The following C19orf47 variants were observed in gnomAD, a reference collection of about 807,000 sequenced individuals.
The protein encoded by C19orf47 is uncharacterized protein C19orf47.
In C19orf47, 18 loss-of-function variants were observed where a neutral mutation model predicts 32.3. The observed-to-expected ratio is 0.56, with a 90% CI of 0.39 to 0.83. C19orf47 has a LOEUF of 0.83. C19orf47 is among the 40% of genes least tolerant of loss of function. The pLI, the probability that C19orf47 is intolerant of heterozygous loss-of-function variation, is 0.00. For missense variants in C19orf47, 484 were observed against 531.6 expected (o/e 0.91, Z 0.88); for synonymous variants, 202 against 211.1 (o/e 0.96, Z 0.37).
the C19orf47 span, chr19:40,299,347 TA>T: frequency 7.2e-5 from 11 of 152,180 alleles, no homozygotes; most frequent in Non-Finnish European, 1.3e-4. Context: ...AACAGTTGAT[TA>T]AATAGGATCC....
downstream of C19orf47, among the ~76,000 whole-genome samples, chr19:40,315,070 CG>C (rs1268017536): frequency 6.6e-6 from 1 of 152,072 alleles, no homozygotes; most frequent in African/African-American, 2.4e-5. Context: ...TAAGGAGACA[CG>C]ACAACTCCTT....
chr19:40,329,295 C>T (rs2077900178), intron 5 of C19orf47, among the ~76,000 whole-genome samples: 1 of 152,048 alleles, frequency 6.6e-6, no homozygotes, highest in South Asian at 2.1e-4. Flanking sequence ...ATCACTTGAA[C>T]CCAGTTCAAG....
chr19:40,342,151 A>G, intron 1 of C19orf47: 1 of 663,838 alleles, frequency 1.5e-6, no homozygotes, highest in Non-Finnish European at 1.9e-6. Context: ...TGGCTGGAAA[A>G]GGAGTGCAAC....
Position 40,321,271 on chromosome 19 carries a change from T to C in C19orf47, c.*611A>G. Reference sequence around the variant, plus strand: ...AGGGCGGCTAACAGTCTCAACAGGCTCGACGCCACCGCCGACGAGGGGGCC... The same window carrying C: ...AGGGCGGCTAACAGTCTCAACAGGCCCGACGCCACCGCCGACGAGGGGGCC... On this transcript the variant is annotated 3_prime_UTR_variant, in exon 9 of 9. Transcript: ENST00000683109. 1.0e-6 allele frequency: 1 copy of C among 986,468 alleles called. No homozygotes were observed. The highest frequency in any genetic ancestry group is 1.2e-6 in the Non-Finnish European group (1 of 830,202). 61.1% of individuals were successfully genotyped at this position (986,468 alleles called of 1,614,324 possible).
intron 7 of C19orf47, among the ~76,000 whole-genome samples, chr19:40,325,784 A>G (rs2077816843): frequency 6.6e-6 from 1 of 152,226 alleles, no homozygotes; most frequent in Non-Finnish European, 1.5e-5. Context: ...ATCATCTGAA[A>G]GTGCTGGAGT....
chr19:40,301,925 C>T, the C19orf47 span, among the ~76,000 whole-genome samples: 4 of 151,582 alleles, frequency 2.6e-5, no homozygotes, highest in East Asian at 2.0e-4. Flanking sequence ...TTTGGAAGGC[C>T]GAGGCAGGTG....
intron 5 of C19orf47, among the ~76,000 whole-genome samples, chr19:40,328,908 A>G (rs191224738): frequency 1.2e-4 from 18 of 152,216 alleles, no homozygotes; most frequent in Non-Finnish European, 2.1e-4. Context: ...CCTAGCAAGT[A>G]GGCGCTTCCT....
the C19orf47 span, among the ~76,000 whole-genome samples, chr19:40,300,632 T>G: frequency 6.6e-6 from 1 of 152,194 alleles, no homozygotes; most frequent in Non-Finnish European, 1.5e-5. Context: ...TATAATGAAC[T>G]CTCATCAGAT....
In C19orf47 at chr19:40,321,308, G is replaced by A. The variant is rs764405827; in HGVS notation, c.*574C>T. 97 of 986,202 alleles carry A rather than the reference G, an allele frequency of 9.8e-5. No individual in the cohort carries two copies. The highest frequency in any genetic ancestry group is 1.2e-4 in the Admixed American group (2 of 16,268). 61.1% of individuals were successfully genotyped at this position (986,202 alleles called of 1,614,324 possible). On this transcript the variant is annotated 3_prime_UTR_variant, in exon 9 of 9. Coordinates refer to ENST00000683109, the MANE Select transcript of C19orf47 (RefSeq NM_001256441.2). ...CCGACGAGGGGGCCGCTGGGAGGCCGGAGGTACAGGAGGGTCGGGCAGGAC... is the reference window on the plus strand; with the variant it reads ...CCGACGAGGGGGCCGCTGGGAGGCCAGAGGTACAGGAGGGTCGGGCAGGAC...
intron 2 of C19orf47, 65 bp downstream of exon 2, chr19:40,341,774 C>G: frequency 6.5e-7 from 1 of 1,533,856 alleles, no homozygotes; most frequent in Non-Finnish European, 8.7e-7. Flanking sequence ...TCATCCCCCA[C>G]CAAGGCCATA....
chr19:40,332,566 G>A (rs1371099941), intron 5 of C19orf47: 1 of 151,774 alleles, frequency 6.6e-6, no homozygotes, highest in African/African-American at 2.4e-5. Flanking sequence ...AGAACTGCTT[G>A]AACCCGGGAG....
At chr19:40,337,288 A>AATTATTATTATT (rs57061818) in intron 2 of C19orf47, among the ~76,000 whole-genome samples, 12,606 of 143,060 alleles carry the variant, frequency 0.088, 617 homozygotes, top group East Asian at 0.14. Context: ...CCATGACAGC[A>AATTATTATTATT]ATTATTATTA....
chr19:40,297,699 C>CG, the C19orf47 span, among the ~76,000 whole-genome samples: 14 of 59,544 alleles, frequency 2.4e-4, no homozygotes, highest in South Asian at 1.5e-3. Flanking sequence ...GACTCCGTCT[C>CG]GGAAAAAAAA....
intron 5 of C19orf47, among the ~76,000 whole-genome samples, chr19:40,333,247 C>T (rs916966759): frequency 2.8e-5 from 4 of 140,662 alleles, no homozygotes; most frequent in African/African-American, 7.9e-5. Flanking sequence ...AACAGAGACT[C>T]CATCTCAAAA....
At chr19:40,314,749 A>G (rs2077651154), downstream of C19orf47, among the ~76,000 whole-genome samples, 1 of 152,204 alleles carries the variant, frequency 6.6e-6, no homozygotes, top group Admixed American at 6.5e-5. Flanking sequence ...TCCAAAGAGG[A>G]CAAGGTGTAA....
At chr19:40,294,428 T>G in the C19orf47 span, among the ~76,000 whole-genome samples, 128 of 148,808 alleles carry the variant, frequency 8.6e-4, no homozygotes, top group Non-Finnish European at 1.5e-3. Flanking sequence ...GTTTGGTTAT[T>G]TTTTTTTTTG....
the C19orf47 span, among the ~76,000 whole-genome samples, chr19:40,312,569 C>T: frequency 6.6e-6 from 1 of 151,950 alleles, no homozygotes; most frequent in Middle Eastern, 3.4e-3. Context: ...AAAGGCCATA[C>T]AGTTTCCTCT....
chr19:40,323,705 G>T (rs2077768579), intron 8 of C19orf47, among the ~76,000 whole-genome samples: 1 of 152,204 alleles, frequency 6.6e-6, no homozygotes, highest in African/African-American at 2.4e-5. Flanking sequence ...GGGGAGGGCA[G>T]GCAGCCCTCA....
chr19:40,331,809 G>A (rs2077960287), intron 5 of C19orf47, among the ~76,000 whole-genome samples: 1 of 152,100 alleles, frequency 6.6e-6, no homozygotes, highest in Admixed American at 6.6e-5. Flanking sequence ...GGCCAAGGTG[G>A]GTGGATCACC....
Sources: gnomAD v4.1 joint callset for allele counts (sites outside exome capture counted in the v4.1 genomes callset) on GRCh38, gnomAD v4.1.1 for gene constraint, MANE v1.5 for transcripts, NCBI Gene and HGNC (gene_info 2026-07-23, HGNC 2026-07-21) for gene names.